The following EIF3B variants were observed in gnomAD, a reference collection of about 807,000 sequenced individuals.
The protein encoded by EIF3B is eukaryotic translation initiation factor 3 subunit B.
EIF3B carries 10 observed loss-of-function variants against 104.6 expected under a neutral mutation model. The observed-to-expected ratio is 0.10, with a 90% confidence interval of 0.06 to 0.16. EIF3B has a LOEUF of 0.16. EIF3B is among the 10% of genes least tolerant of loss of function. The pLI is 1.00. For missense variants in EIF3B, 1,014 were observed against 1,087.9 expected (o/e 0.93, Z 0.96); for synonymous variants, 542 against 417.2 (o/e 1.30, Z -3.65).
At chr7:2,368,717 C>T (rs1243774671) in intron 9 of EIF3B, among the ~76,000 whole-genome samples, 1 of 152,300 alleles carries the variant, frequency 6.6e-6, no homozygotes, top group South Asian at 2.1e-4. Flanking sequence ...CTCTTCCATC[C>T]GAGGCAGGGT....
intron 1 of EIF3B, among the ~76,000 whole-genome samples, chr7:2,356,605 AAAAAAAAAAAAAAG>A (rs1779458977): frequency 6.7e-6 from 1 of 148,598 alleles, no homozygotes; most frequent in East Asian, 1.9e-4. Context: ...TCCGTCTCAA[AAAAAAAAAAAAAAG>A]AAAAAGAAAA....
Position 2,366,386 on chromosome 7 carries a change from C to A in EIF3B, c.1227C>A (p.Ile409=), listed in dbSNP as rs755933619. 1 of 1,614,050 alleles carries A rather than the reference C, an allele frequency of 6.2e-7. No homozygotes were observed. The highest frequency in any genetic ancestry group is 1.1e-5 in the South Asian group (1 of 91,050). ...DDPQAIIIWD[I]LTGHKKRGFH... is the part of the protein sequence containing the mutation. ...CTCAGGCCATAATCATCTGGGACAT[C>A]CTTACGGGGCACAAGAAGAGGGGTT... is the stretch of plus-strand genomic sequence containing the variant. Residue 409 remains isoleucine (I), a synonymous_variant, in exon 7 of 19, where the codon ATC becomes ATA. Transcript: ENST00000360876.
chr7:2,355,092 C>G lies in EIF3B; in HGVS notation c.171C>G (p.Ile57Met), dbSNP rs1404341743. ...AGGCCTCCAGTGAGGAGGTGGGGAT[C>G]GCGGAGGCCGGGCCGGAGTCCGAGG... ...GTEASSEEVGIAEAGPESEVR... is the reference protein window; with the variant it reads ...GTEASSEEVGMAEAGPESEVR... The change falls in exon 1 of 19, where the codon ATC (isoleucine) becomes ATG (methionine). Residue 57 changes from isoleucine to methionine, a missense_variant. By Grantham distance (10) the Ile-to-Met change is conservative. Coordinates refer to ENST00000360876, the MANE Select transcript of EIF3B (RefSeq NM_001037283.2). The G allele has an allele frequency of 7.5e-7, 1 of 1,336,886 alleles. No individual in the cohort carries two copies. Among genetic ancestry groups the G allele is most frequent in the Non-Finnish European group, 9.5e-7 (1 of 1,048,546 alleles). 82.8% of individuals were successfully genotyped at this position (1,336,886 alleles called of 1,614,324 possible). A position where few individuals can be genotyped will look rare whatever the true frequency, so the allele number is the denominator to read the frequency against.
chr7:2,367,719 C>G (rs1780101025), intron 9 of EIF3B, among the ~76,000 whole-genome samples: 1 of 151,758 alleles, frequency 6.6e-6, no homozygotes, highest in Non-Finnish European at 1.5e-5. Context: ...CTGCCCGCCT[C>G]AGCCTCCCAA....
rs564214741 is a variant in EIF3B at position 2,354,846 on chromosome 7, C to T, written c.-76C>T. On this transcript the variant is annotated 5_prime_UTR_variant, in exon 1 of 19. Coordinates refer to ENST00000360876, the MANE Select transcript of EIF3B (RefSeq NM_001037283.2). ...ACGCACATGGCTGGGCTGTAGCCGT[C>T]GCGGCGCGCGGTGCGGCCTGGGAGA... The T allele has an allele frequency of 2.8e-6, 3 of 1,057,710 alleles. No individual in the cohort carries two copies. The highest frequency in any genetic ancestry group is 3.4e-6 in the Non-Finnish European group (3 of 876,260). The allele number at this position is 1,057,710 out of a possible 1,614,324, so 65.5% of individuals were successfully genotyped here.
chr7:2,365,195 C>T (rs1017716261), intron 6 of EIF3B, among the ~76,000 whole-genome samples: 2 of 152,270 alleles, frequency 1.3e-5, no homozygotes, highest in Non-Finnish European at 2.9e-5. Context: ...AAGTGATCTC[C>T]TGCCTTGACC....
chr7:2,375,650 G>T lies in EIF3B; in HGVS notation c.2028+123G>T. ...CACCAAGCCTCTGTGTTGAACAGAA[G>T]CCTTGGCTGGTGTTAGTGGCAGGAG... On this transcript the variant is annotated intron_variant, in intron 14 of 18. Coordinates refer to ENST00000360876, the MANE Select transcript of EIF3B (RefSeq NM_001037283.2). 6.3e-6 allele frequency: 9 copies of T among 1,420,134 alleles called. No homozygotes were observed. The South Asian group carries it at 1.0e-4, about 16-fold the overall frequency. The allele number at this position is 1,420,134 out of a possible 1,614,324, so 88.0% of individuals were successfully genotyped here. A position where few individuals can be genotyped will look rare whatever the true frequency, so the allele number is the denominator to read the frequency against.
chr7:2,358,064 C>T lies in EIF3B; in HGVS notation c.499+2644C>T, dbSNP rs143341471. ...AATTTTAGCATCGTTGAAAATAAAACGGCGATTATTTTTTAAGGCAGTATT... is the reference window on the plus strand; with the variant it reads ...AATTTTAGCATCGTTGAAAATAAAATGGCGATTATTTTTTAAGGCAGTATT... On this transcript the variant is annotated intron_variant, in intron 1 of 18. Transcript: ENST00000360876. 4.0e-3 allele frequency among the ~76,000 whole-genome samples: 614 copies of T among 151,942 alleles called. 8 individuals carry two copies. Among genetic ancestry groups the T allele is most frequent in the African/African-American group, 0.014 (580 of 41,408 alleles).
rs1779889826 is a variant in EIF3B, at chr7:2,364,275, T to C, written c.1000-97T>C. On this transcript the variant is annotated intron_variant, in intron 5 of 18. Coordinates refer to ENST00000360876, the MANE Select transcript of EIF3B (RefSeq NM_001037283.2). Reference sequence around the variant, plus strand: ...ACTCCGTCTCAAAAAAAAAAAAAGTTTGTAGAACAGATTCATTGTAGGATA... The same window carrying C: ...ACTCCGTCTCAAAAAAAAAAAAAGTCTGTAGAACAGATTCATTGTAGGATA... The C allele has an allele frequency of 3.2e-6, 4 of 1,240,830 alleles. No homozygotes were observed. The East Asian group carries it at 1.0e-4, about 32-fold the overall frequency. The allele number at this position is 1,240,830 out of a possible 1,614,324, so 76.9% of individuals were successfully genotyped here. A position where few individuals can be genotyped will look rare whatever the true frequency, so the allele number is the denominator to read the frequency against.
rs1220528671 is a variant in EIF3B at position 2,354,958 on chromosome 7, G to A, written c.37G>A (p.Ala13Thr). The change falls in exon 1 of 19, where the codon GCC becomes ACC. Residue 13 changes from alanine (A) to threonine (T), a missense_variant. By Grantham distance (58) the Ala-to-Thr change is moderately conservative (BLOSUM62 0). This residue lies in a region of EIF3B where 488 missense variants were observed against 404.3 expected (regional missense o/e 1.21). Transcript: ENST00000360876. The part of the protein sequence containing the change: ...DAENVAVPEA[A>T]EERAEPGQQQ... ...GGAGAACGTGGCGGTGCCCGAGGCGGCCGAGGAGCGCGCCGAGCCCGGCCA... is the reference window on the plus strand; with the variant it reads ...GGAGAACGTGGCGGTGCCCGAGGCGACCGAGGAGCGCGCCGAGCCCGGCCA... 3.3e-6 allele frequency: 4 copies of A among 1,217,046 alleles called. No individual in the cohort carries two copies. The highest frequency in any genetic ancestry group is 4.7e-5 in the South Asian group (2 of 42,740). The allele number at this position is 1,217,046 out of a possible 1,614,324, so 75.4% of individuals were successfully genotyped here.
chr7:2,368,230 C>T (rs1252250932), intron 9 of EIF3B, among the ~76,000 whole-genome samples: 1 of 152,162 alleles, frequency 6.6e-6, no homozygotes. Flanking sequence ...GCAGCCTTCA[C>T]CTCCCAGGTT....
intron 13 of EIF3B, chr7:2,374,868 T>C (rs1380542636): frequency 5.2e-6 from 2 of 382,498 alleles, no homozygotes; most frequent in African/African-American, 2.0e-5. Flanking sequence ...CGGGTTGTGG[T>C]TCTCTGTGGT....
rs183020610 is a variant in EIF3B at position 2,369,321 on chromosome 7, C to G, written c.1404-151C>G. Reference sequence around the variant, plus strand: ...GGACCTATGAAGCTGCGCGGCATGCCCAGAGCAGTGGCTGTGCAGAGGGAG... The same window carrying G: ...GGACCTATGAAGCTGCGCGGCATGCGCAGAGCAGTGGCTGTGCAGAGGGAG... On this transcript the variant is annotated intron_variant, in intron 9 of 18. Coordinates refer to ENST00000360876, the MANE Select transcript of EIF3B (RefSeq NM_001037283.2). 7.4e-6 allele frequency: 6 copies of G among 813,534 alleles called. No homozygotes were observed. The East Asian group carries it at 1.5e-4, about 20-fold the overall frequency. 50.4% of individuals were successfully genotyped at this position (813,534 alleles called of 1,614,324 possible).
In EIF3B at chr7:2,362,992, G is replaced by A. The variant is rs1779821125; in HGVS notation, c.813-78G>A. 4.5e-6 allele frequency: 7 copies of A among 1,548,628 alleles called. No homozygotes were observed. The South Asian group carries it at 7.8e-5, about 17-fold the overall frequency. On this transcript the variant is annotated intron_variant, in intron 3 of 18. Coordinates refer to ENST00000360876, the MANE Select transcript of EIF3B (RefSeq NM_001037283.2). ...GGGGCGGGCAGGCAGGAGCACAGCA[G>A]GGCCATGCTGGAGCCCCCACGAGTT...
intron 11 of EIF3B, chr7:2,372,315 C>T (rs1429244140): frequency 1.2e-5 from 3 of 243,290 alleles, no homozygotes; most frequent in South Asian, 8.9e-5. Flanking sequence ...GGAAACATGG[C>T]CGCCCTTCCA....
chr7:2,379,877 A>C, intron 18 of EIF3B: 1 of 286,996 alleles, frequency 3.5e-6, no homozygotes, highest in Non-Finnish European at 6.8e-6. Flanking sequence ...CACGGCTGTG[A>C]CTGTGGTTTC....
intron 1 of EIF3B, among the ~76,000 whole-genome samples, chr7:2,359,084 G>T (rs938888276): frequency 1.3e-5 from 2 of 151,840 alleles, no homozygotes; most frequent in Non-Finnish European, 2.9e-5. Context: ...TGTTTCAGGA[G>T]CTTGTATATT....
chr7:2,372,120 T>G, intron 11 of EIF3B: 1 of 423,234 alleles, frequency 2.4e-6, no homozygotes, highest in Non-Finnish European at 4.4e-6. Context: ...AGCGGGAGGA[T>G]CACTTGAGCC....
intron 3 of EIF3B, 80 bp downstream of exon 3, chr7:2,362,844 G>A (rs538234524): frequency 6.9e-6 from 11 of 1,584,568 alleles, no homozygotes; most frequent in South Asian, 1.1e-5. Context: ...GGTGCTTCTC[G>A]GTGCTGGTGT....
Sources: gnomAD v4.1 joint callset for allele counts (sites outside exome capture counted in the v4.1 genomes callset) on GRCh38, gnomAD v4.1.1 for gene constraint, gnomAD v4.1.1 regional missense constraint, MANE v1.5 for transcripts, NCBI Gene and HGNC (gene_info 2026-07-23, HGNC 2026-07-21) for gene names.